Variants in CCDC146 observed in about 807,000 individuals in gnomAD.
The protein encoded by CCDC146 is coiled-coil domain containing 146.
Under a neutral mutation model 119.3 loss-of-function variants are expected in CCDC146, and 92 were observed. The ratio of observed to expected loss-of-function variants is 0.77; its 90% CI spans 0.65 to 0.92. The LOEUF (loss-of-function observed/expected upper bound fraction) is 0.92. CCDC146 is among the 40% of genes least tolerant of loss of function. The pLI is 0.00. For missense variants in CCDC146, 1,000 were observed against 1,103.0 expected, an observed-to-expected ratio of 0.91 and a Z score of 1.32; for synonymous variants, 372 against 371.8, an observed-to-expected ratio of 1.00 and a Z score of -0.01.
At chr7:77,236,838 C>A in intron 2 of CCDC146, 109 bp from the exon 3 acceptor site, 2 of 803,826 alleles carry the variant, frequency 2.5e-6, no homozygotes, top group Non-Finnish European at 4.2e-6. Context: ...CTCGTGTATC[C>A]TCTAATGTTT....
chr7:77,263,262 G>A (rs190674376), intron 9 of CCDC146, among the ~76,000 whole-genome samples: 4 of 152,266 alleles, frequency 2.6e-5, no homozygotes, highest in African/African-American at 9.6e-5. Context: ...AAAGTGACAC[G>A]TGTCACTTCC....
At chr7:77,246,209 T>G (rs1792946818) in intron 4 of CCDC146, 1 of 152,238 alleles carries the variant, frequency 6.6e-6, no homozygotes, top group Admixed American at 6.5e-5. Context: ...GACAGGAAGC[T>G]CTCAGCCTCC....
At chr7:77,161,852 G>A (rs1444905919) in intron 1 of CCDC146, among the ~76,000 whole-genome samples, 1 of 149,318 alleles carries the variant, frequency 6.7e-6, no homozygotes, top group Non-Finnish European at 1.5e-5. Context: ...TAACAGGTGT[G>A]AGGCGACATC....
At chr7:77,248,489 T>A (rs1462562546) in intron 4 of CCDC146, among the ~76,000 whole-genome samples, 1 of 152,240 alleles carries the variant, frequency 6.6e-6, no homozygotes, top group African/African-American at 2.4e-5. Context: ...ACTAGTGGGA[T>A]CTGGTTATTT....
At chr7:77,163,397 G>A (rs1283937576) in intron 1 of CCDC146, among the ~76,000 whole-genome samples, 1 of 151,956 alleles carries the variant, frequency 6.6e-6, no homozygotes, top group Non-Finnish European at 1.5e-5. Flanking sequence ...ATAGTGAGCA[G>A]AGAATGCACC....
intron 1 of CCDC146, among the ~76,000 whole-genome samples, chr7:77,152,989 A>T (rs544985729): frequency 1.4e-4 from 21 of 152,332 alleles, no homozygotes; most frequent in Non-Finnish European, 2.2e-4. Flanking sequence ...GAGGTTGCAT[A>T]CTTTGCCCAA....
At chr7:77,146,349 G>T (rs1056145910) in intron 1 of CCDC146, among the ~76,000 whole-genome samples, 4 of 152,030 alleles carry the variant, frequency 2.6e-5, no homozygotes, top group African/African-American at 9.7e-5. Flanking sequence ...GCACACCGAT[G>T]AGTCTTGACT....
intron 1 of CCDC146, among the ~76,000 whole-genome samples, chr7:77,157,830 T>C (rs1791199777): frequency 6.6e-6 from 1 of 152,098 alleles, no homozygotes; most frequent in South Asian, 2.1e-4. Context: ...CGTTTAGAAT[T>C]TTATGTCTGT....
At chr7:77,216,817 A>G (rs1792309926) in intron 2 of CCDC146, among the ~76,000 whole-genome samples, 1 of 152,198 alleles carries the variant, frequency 6.6e-6, no homozygotes, top group Non-Finnish European at 1.5e-5. Flanking sequence ...CATAAAGTAC[A>G]GTGCCAAAGG....
rs1562866020 is a variant in CCDC146 at position 77,294,880 on chromosome 7, T to G, written c.*14T>G. On this transcript the variant is annotated 3_prime_UTR_variant, in exon 19 of 19. Coordinates refer to ENST00000285871, the MANE Select transcript of CCDC146 (RefSeq NM_020879.3). ...GTTGAAATCTGAATATGTGAACAAATCCAGGCCTCTCAAGGAAAAGACTTC... is the reference window on the plus strand; with the variant it reads ...GTTGAAATCTGAATATGTGAACAAAGCCAGGCCTCTCAAGGAAAAGACTTC... 1 of 1,606,974 alleles carries G rather than the reference T, an allele frequency of 6.2e-7. No homozygotes were observed. The highest frequency in any genetic ancestry group is 2.2e-5 in the East Asian group (1 of 44,780).
intron 17 of CCDC146, among the ~76,000 whole-genome samples, chr7:77,288,436 A>C (rs1396986516): frequency 1.3e-5 from 2 of 152,202 alleles, no homozygotes; most frequent in African/African-American, 4.8e-5. Context: ...ACAAAGGTTC[A>C]TTTGGGGAAT....
At chr7:77,145,339 T>A (rs998767861) in intron 1 of CCDC146, among the ~76,000 whole-genome samples, 20 of 151,916 alleles carry the variant, frequency 1.3e-4, no homozygotes, top group Non-Finnish European at 2.4e-4. Flanking sequence ...TAGTGGTCTA[T>A]CAATTTTGTT....
At chr7:77,149,586 T>G (rs1453645930) in intron 1 of CCDC146, among the ~76,000 whole-genome samples, 4 of 151,964 alleles carry the variant, frequency 2.6e-5, no homozygotes, top group Non-Finnish European at 5.9e-5. Context: ...TTCAACATCA[T>G]GAAACCCCAT....
intron 1 of CCDC146, among the ~76,000 whole-genome samples, chr7:77,144,305 G>A (rs1208202741): frequency 4.6e-5 from 7 of 151,786 alleles, no homozygotes. Flanking sequence ...ATCAGCTTAA[G>A]GAGATTTTGG....
At chr7:77,169,665 C>T (rs1476403949) in intron 2 of CCDC146, among the ~76,000 whole-genome samples, 1 of 152,228 alleles carries the variant, frequency 6.6e-6, no homozygotes, top group Non-Finnish European at 1.5e-5. Context: ...CATTGTCCCA[C>T]ATTTGGCCAG....
chr7:77,125,029 C>A (rs962752691), intron 1 of CCDC146, among the ~76,000 whole-genome samples: 1 of 151,900 alleles, frequency 6.6e-6, no homozygotes, highest in Non-Finnish European at 1.5e-5. Context: ...TCCATCTCTA[C>A]TAAAAATTAA....
At chr7:77,207,930 C>A (rs749188844) in intron 2 of CCDC146, among the ~76,000 whole-genome samples, 1 of 152,182 alleles carries the variant, frequency 6.6e-6, no homozygotes, top group Non-Finnish European at 1.5e-5. Context: ...TTTAGGTATT[C>A]ATTGATTCAA....
At chr7:77,162,238 C>A (rs1307894948) in intron 1 of CCDC146, among the ~76,000 whole-genome samples, 3 of 151,964 alleles carry the variant, frequency 2.0e-5, no homozygotes, top group Non-Finnish European at 4.4e-5. Flanking sequence ...ATGTCAAGGA[C>A]TTTTTTCCTA....
intron 2 of CCDC146, among the ~76,000 whole-genome samples, chr7:77,229,860 G>A (rs1172363249): frequency 6.6e-6 from 1 of 152,042 alleles, no homozygotes; most frequent in Non-Finnish European, 1.5e-5. Context: ...ATGGCTTTTA[G>A]TATATATACA....
Sources: allele counts gnomAD v4.1 joint callset (sites outside exome capture counted in the v4.1 genomes callset), GRCh38; gene constraint gnomAD v4.1.1; transcripts MANE v1.5; gene names NCBI Gene and HGNC (gene_info 2026-07-23, HGNC 2026-07-21).